The following SORD variants were observed in gnomAD, a reference collection of about 807,000 sequenced individuals.
SORD encodes sorbitol dehydrogenase, also known as (R,R)-butanediol dehydrogenase.
Under a neutral mutation model 35.6 loss-of-function variants are expected in SORD, and 18 were observed. The observed-to-expected ratio is 0.51, with a 90% CI of 0.35 to 0.75. The LOEUF (loss-of-function observed/expected upper bound fraction) is 0.75. Among genes scored for constraint, SORD ranks in the 30% least tolerant of loss-of-function variants. SORD has a pLI of 0.01. For synonymous variants in SORD, 106 were observed against 152.9 expected, an observed-to-expected ratio of 0.69 and a Z score of 2.26; for missense variants, 250 against 390.2, an observed-to-expected ratio of 0.64 and a Z score of 3.03.
chr15:45,036,133 C>T lies in SORD; in HGVS notation c.67-4275C>T, dbSNP rs141122355. ...CCACGAACCCACCAGAAGGAAGAAA[C>T]TCCGAACACATCCGAACATCAGAAT... On this transcript the variant is annotated intron_variant, in intron 1 of 8. Transcript: ENST00000267814. 27 of 307,370 alleles carry T rather than the reference C, an allele frequency of 8.8e-5. No individual in the cohort carries two copies. In the East Asian group the frequency reaches 3.1e-3, roughly 35 times the overall value. 19.0% of individuals were successfully genotyped at this position (307,370 alleles called of 1,614,324 possible).
At chr15:45,056,388 TGCTTCAAAGA>T (rs1458776572) in intron 3 of SORD, among the ~76,000 whole-genome samples, 1 of 152,158 alleles carries the variant, frequency 6.6e-6, no homozygotes, top group Non-Finnish European at 1.5e-5. Context: ...CATTCACAAT[TGCTTCAAAGA>T]GAATAAAATA....
rs1278861333 is a variant in SORD, at chr15:45,075,442, G to A, written c.*1912G>A. 4 of 128,528 alleles carry A rather than the reference G, an allele frequency of 3.1e-5. 1 individual carries two copies. The highest frequency in any genetic ancestry group is 2.8e-4 in the Admixed American group (4 of 14,078). 8.0% of individuals were successfully genotyped at this position (128,528 alleles called of 1,614,324 possible). A position where few individuals can be genotyped will look rare whatever the true frequency, so the allele number is the denominator to read the frequency against. Reference sequence around the variant, plus strand: ...AGGGGCAGAGGCTCTACCAGAGAATGTCTGCTGGTGTCTTGGAGGCACTTC... The same window carrying A: ...AGGGGCAGAGGCTCTACCAGAGAATATCTGCTGGTGTCTTGGAGGCACTTC... On this transcript the variant is annotated 3_prime_UTR_variant, in exon 9 of 9. Coordinates refer to ENST00000267814, the MANE Select transcript of SORD (RefSeq NM_003104.6).
intron 7 of SORD, chr15:45,069,870 G>C (rs1200345742): frequency 1.3e-5 from 2 of 152,250 alleles, no homozygotes; most frequent in Admixed American, 6.5e-5. Context: ...CCTAGGAACA[G>C]ATAAGCTGCC....
At chr15:45,055,729 C>A (rs868262537) in intron 3 of SORD, among the ~76,000 whole-genome samples, 2 of 152,240 alleles carry the variant, frequency 1.3e-5, no homozygotes, top group Middle Eastern at 3.4e-3. Flanking sequence ...AACATTGATG[C>A]AAAAATCCTC....
intron 4 of SORD, among the ~76,000 whole-genome samples, chr15:45,064,609 G>A (rs2141123828): frequency 6.6e-6 from 1 of 152,278 alleles, no homozygotes; most frequent in South Asian, 2.1e-4. Flanking sequence ...GGGTCAGCAG[G>A]GCAGCCACTG....
At chr15:45,062,470 C>T (rs377672946) in intron 4 of SORD, among the ~76,000 whole-genome samples, 7,088 of 139,652 alleles carry the variant, frequency 0.051, 267 homozygotes, top group East Asian at 0.19. Flanking sequence ...CAGCCTGGCC[C>T]CAGTGGTGGT....
At position 45,038,876 on chromosome 15, in the gene SORD, G is replaced by A. The variant is rs373502376; in HGVS notation, c.67-1532G>A. ...CCCAGAGTTTTCTTCATGGGGCCCA[G>A]CTCTGACATTCTCATCACTTGTTTG... On this transcript the variant is annotated intron_variant, in intron 1 of 8. Transcript: ENST00000267814. Among the ~76,000 whole-genome samples, 20 of 152,204 alleles carry A rather than the reference G, an allele frequency of 1.3e-4. No individual in the cohort carries two copies. In the East Asian group the frequency reaches 3.3e-3, roughly 25 times the overall value.
At chr15:45,042,416 G>C (rs1476507118) in intron 2 of SORD, 3 of 151,990 alleles carry the variant, frequency 2.0e-5, no homozygotes, top group East Asian at 1.9e-4. Flanking sequence ...TGGTTGAACC[G>C]GGGAGGTGGA....
At chr15:45,062,374 C>G (rs1277707383) in intron 4 of SORD, among the ~76,000 whole-genome samples, 1 of 152,170 alleles carries the variant, frequency 6.6e-6, no homozygotes, top group Non-Finnish European at 1.5e-5. Flanking sequence ...TTCTGCGTGG[C>G]CCCCCATGGC....
intron 7 of SORD, among the ~76,000 whole-genome samples, chr15:45,069,545 T>A (rs1203659503): frequency 1.3e-5 from 2 of 152,060 alleles, no homozygotes; most frequent in Non-Finnish European, 2.9e-5. Flanking sequence ...TTGCCTTACA[T>A]CCTTATTGGG....
intron 1 of SORD, among the ~76,000 whole-genome samples, chr15:45,029,072 A>G (rs1276226032): frequency 1.3e-5 from 2 of 152,268 alleles, no homozygotes; most frequent in Non-Finnish European, 2.9e-5. Flanking sequence ...CAAGTCAGAG[A>G]CACTTGAGAG....
At chr15:45,063,006 T>A (rs1024663186) in intron 4 of SORD, among the ~76,000 whole-genome samples, 1 of 148,282 alleles carries the variant, frequency 6.7e-6, no homozygotes, top group Non-Finnish European at 1.5e-5. Context: ...GGTCTGGGCA[T>A]GGAGGTGCAG....
chr15:45,063,798 G>A (rs2437863), intron 4 of SORD, among the ~76,000 whole-genome samples: 30 of 151,878 alleles, frequency 2.0e-4, no homozygotes, highest in African/African-American at 5.6e-4. Context: ...GAATCTTCAC[G>A]ATTTCATTTT....
chr15:45,069,489 C>G (rs1306056403), intron 7 of SORD, among the ~76,000 whole-genome samples: 1 of 152,030 alleles, frequency 6.6e-6, no homozygotes, highest in Non-Finnish European at 1.5e-5. Flanking sequence ...GGATTACAGG[C>G]GCTATCTCTG....
intron 1 of SORD, among the ~76,000 whole-genome samples, chr15:45,027,657 C>T (rs1443760840): frequency 5.3e-5 from 8 of 152,268 alleles, no homozygotes; most frequent in Non-Finnish European, 4.4e-5. Flanking sequence ...ATCTTGCTTT[C>T]CACTGTATTT....
intron 1 of SORD, among the ~76,000 whole-genome samples, chr15:45,039,950 A>G (rs1262672176): frequency 6.6e-6 from 1 of 152,148 alleles, no homozygotes; most frequent in Non-Finnish European, 1.5e-5. Context: ...CTAGAGTTAC[A>G]TGGACTGTGC....
chr15:45,055,293 A>G (rs1169974193), intron 3 of SORD, among the ~76,000 whole-genome samples: 2 of 152,232 alleles, frequency 1.3e-5, no homozygotes, highest in Non-Finnish European at 2.9e-5. Context: ...TGCAATAAAA[A>G]ATGATAAAGG....
At chr15:45,041,723 G>A (rs952809625) in intron 2 of SORD, 29 of 152,180 alleles carry the variant, frequency 1.9e-4, no homozygotes, top group African/African-American at 6.8e-4. Flanking sequence ...GTGGCCAAAC[G>A]AGGGCTGTCT....
chr15:45,034,955 G>T (rs1892837954), intron 1 of SORD, among the ~76,000 whole-genome samples: 1 of 152,218 alleles, frequency 6.6e-6, no homozygotes, highest in African/African-American at 2.4e-5. Flanking sequence ...CGGTTCCCGG[G>T]CAATGAGGGG....
Sources: allele counts gnomAD v4.1 joint callset (sites outside exome capture counted in the v4.1 genomes callset), GRCh38; gene constraint gnomAD v4.1.1; transcripts MANE v1.5; gene names NCBI Gene and HGNC (gene_info 2026-07-23, HGNC 2026-07-21).